Variants in KLHL7 observed in about 807,000 individuals in gnomAD.
KLHL7 encodes kelch-like protein 7.
In KLHL7, 44 loss-of-function variants were observed where a neutral mutation model predicts 67.4. The observed-to-expected ratio is 0.65, with a 90% CI of 0.51 to 0.84. The LOEUF (loss-of-function observed/expected upper bound fraction) is 0.84, where lower values mean the gene tolerates loss of function less well. Among genes scored for constraint, KLHL7 ranks in the 40% least tolerant of loss-of-function variants. The pLI, the probability that KLHL7 is intolerant of heterozygous loss-of-function variation, is 0.00. For missense variants in KLHL7, 362 were observed against 718.1 expected (o/e 0.50, Z 5.67); for synonymous variants, 252 against 243.3 (o/e 1.04, Z -0.33).
intron 4 of KLHL7, chr7:23,129,456 G>A: frequency 2.8e-6 from 1 of 352,436 alleles, no homozygotes; most frequent in East Asian, 8.7e-5. Context: ...CAAGGACACT[G>A]CCATAGGCAG....
At chr7:23,137,011 G>A (rs1281927577) in intron 4 of KLHL7, among the ~76,000 whole-genome samples, 1 of 152,168 alleles carries the variant, frequency 6.6e-6, no homozygotes, top group East Asian at 1.9e-4. Context: ...TAGGCCAGGT[G>A]CAGTGTCTCA....
At chr7:23,166,722 A>C (rs1562591767) in intron 8 of KLHL7, among the ~76,000 whole-genome samples, 1 of 152,194 alleles carries the variant, frequency 6.6e-6, no homozygotes, top group Non-Finnish European at 1.5e-5. Context: ...CTTTAAAAGC[A>C]TTCTTCACAG....
chr7:23,125,010 AT>A lies in KLHL7; in HGVS notation c.318-37del, dbSNP rs749998979. 4 of 1,578,486 alleles carry A rather than the reference AT, an allele frequency of 2.5e-6. No individual in the cohort carries two copies. The African/African-American group carries it at 5.4e-5, about 21-fold the overall frequency. ...CACAGTAACATTTAAATAATAAAAA[AT>A]CATGGGTAACTAATATTCCCTCTAA... On this transcript the variant is annotated intron_variant, in intron 3 of 10. Transcript: ENST00000339077.
At chr7:23,129,970 G>A (rs748785328) in intron 4 of KLHL7, 1 of 152,148 alleles carries the variant, frequency 6.6e-6, no homozygotes, top group Non-Finnish European at 1.5e-5. Flanking sequence ...GCATGTATAA[G>A]TTCTTTGAAA....
At chr7:23,156,597 G>A (rs1470858114) in intron 7 of KLHL7, among the ~76,000 whole-genome samples, 4 of 152,178 alleles carry the variant, frequency 2.6e-5, no homozygotes, top group Admixed American at 6.5e-5. Flanking sequence ...GTGGAGAAAC[G>A]GGAGACTATG....
chr7:23,110,605 G>C (rs1479180738), intron 1 of KLHL7, among the ~76,000 whole-genome samples: 1 of 145,874 alleles, frequency 6.9e-6, no homozygotes, highest in Non-Finnish European at 1.5e-5. Flanking sequence ...ATTTTCTTTT[G>C]TTTTTTTTTT....
Position 23,159,093 on chromosome 7 carries a change from C to CT in KLHL7, c.937-6600dup, listed in dbSNP as rs545562127. On this transcript the variant is annotated intron_variant, in intron 7 of 10. Coordinates refer to ENST00000339077, the MANE Select transcript of KLHL7 (RefSeq NM_001031710.3). ...CTGAATGGAATCTAACTGGACTGCA[C>CT]TTTTTAAAAAAAAGGAAATTAGACA... Among the ~76,000 whole-genome samples, 715 of 152,142 alleles carry CT rather than the reference C, an allele frequency of 4.7e-3. 2 individuals carry two copies. The highest frequency in any genetic ancestry group is 8.1e-3 in the Non-Finnish European group (553 of 67,982).
chr7:23,132,923 G>A (rs1450134904), intron 4 of KLHL7, among the ~76,000 whole-genome samples: 1 of 152,068 alleles, frequency 6.6e-6, no homozygotes, highest in Non-Finnish European at 1.5e-5. Context: ...GTGTATTCTT[G>A]GCACCTTTGT....
intron 1 of KLHL7, among the ~76,000 whole-genome samples, chr7:23,110,876 TCTTA>T (rs974295547): frequency 7.3e-5 from 11 of 151,134 alleles, no homozygotes; most frequent in Admixed American, 1.3e-4. Context: ...CACTACATTT[TCTTA>T]CTTACTATTT....
intron 1 of KLHL7, among the ~76,000 whole-genome samples, chr7:23,120,227 C>G (rs115120169): frequency 1.7e-3 from 253 of 152,148 alleles, no homozygotes; most frequent in African/African-American, 5.7e-3. Flanking sequence ...CCATGCTGAC[C>G]TTGAACTCCT....
intron 4 of KLHL7, among the ~76,000 whole-genome samples, chr7:23,130,413 A>T (rs982261553): frequency 6.6e-6 from 1 of 152,232 alleles, no homozygotes; most frequent in Admixed American, 6.5e-5. Context: ...TAAGAAATTT[A>T]TAAGCTAGCC....
intron 6 of KLHL7, 71 bp from the exon 7 acceptor site, chr7:23,151,996 T>C: frequency 7.0e-7 from 1 of 1,429,056 alleles, no homozygotes; most frequent in South Asian, 1.1e-5. Flanking sequence ...CTATTATGTC[T>C]GGGTATTTCG....
intron 7 of KLHL7, among the ~76,000 whole-genome samples, chr7:23,161,326 G>A (rs749269185): frequency 1.4e-4 from 22 of 152,138 alleles, no homozygotes; most frequent in Non-Finnish European, 2.6e-4. Context: ...TCACATCAGT[G>A]AGAATGTCAT....
At chr7:23,131,379 T>A (rs1183871411) in intron 4 of KLHL7, among the ~76,000 whole-genome samples, 1 of 152,244 alleles carries the variant, frequency 6.6e-6, no homozygotes, top group Non-Finnish European at 1.5e-5. Context: ...TTTCCTTTTC[T>A]TTTGATTGAA....
intron 4 of KLHL7, 186 bp from the exon 5 acceptor site, chr7:23,140,578 CAAAAA>C (rs5882887): frequency 1.2e-5 from 7 of 607,218 alleles, no homozygotes; most frequent in South Asian, 1.8e-5. Flanking sequence ...AAACAAAAAA[CAAAAA>C]AAAAACCAGT....
Position 23,165,875 on chromosome 7 carries a change from C to T in KLHL7, c.1114C>T (p.Arg372Ter), listed in dbSNP as rs769053076. Residue 372 changes from arginine to a stop codon, truncating the protein, a stop_gained, in exon 8 of 11, where the codon CGA (arginine) becomes TGA (stop). Transcript: ENST00000339077. LOFTEE classifies it high-confidence loss of function. ...TTCGAAACTGGGTCCTCCGACACCT[C>T]GAGACAGCCTTGCTGCATGTGCTGC... ...WYSKLGPPTP[R>*]DSLAACAAEG... 1.2e-6 allele frequency: 2 copies of T among 1,614,094 alleles called. No individual in the cohort carries two copies. The highest frequency in any genetic ancestry group is 1.7e-6 in the Non-Finnish European group (2 of 1,180,014).
intron 1 of KLHL7, among the ~76,000 whole-genome samples, chr7:23,119,260 A>G (rs1783229165): frequency 6.6e-6 from 1 of 152,038 alleles, no homozygotes; most frequent in South Asian, 2.1e-4. Context: ...GCTGGAATGT[A>G]GTGGCACGAT....
intron 1 of KLHL7, among the ~76,000 whole-genome samples, chr7:23,122,373 C>T: frequency 6.6e-6 from 1 of 152,126 alleles, no homozygotes; most frequent in South Asian, 2.1e-4. Flanking sequence ...TCCTTCTCTC[C>T]CTCCTTTGAC....
intron 9 of KLHL7, among the ~76,000 whole-genome samples, chr7:23,171,779 A>G (rs185644636): frequency 0.01 from 1,596 of 152,306 alleles, 21 homozygotes; most frequent in Middle Eastern, 0.027. Flanking sequence ...GCGTGATCTC[A>G]GCTCACTGCA....
Sources: allele counts gnomAD v4.1 joint callset (sites outside exome capture counted in the v4.1 genomes callset), GRCh38; gene constraint gnomAD v4.1.1; transcripts MANE v1.5; gene names NCBI Gene and HGNC (gene_info 2026-07-23, HGNC 2026-07-21).